DTNBP1: variants seen among roughly 807,000 people sequenced by gnomAD.
DTNBP1 encodes the protein dystrobrevin binding protein 1.
A neutral mutation model predicts 42.8 loss-of-function variants in DTNBP1; 35 were observed. The ratio of observed to expected loss-of-function variants is 0.82; its 90% CI spans 0.63 to 1.09. The LOEUF is 1.09. DTNBP1 is among the 50% of genes least tolerant of loss of function. DTNBP1 has a pLI of 0.00. For synonymous variants in DTNBP1, 171 were observed against 162.2 expected (o/e 1.05, Z -0.41); for missense variants, 457 against 424.2 (o/e 1.08, Z -0.68).
At chr6:15,592,647 C>A (rs1047722692) in intron 7 of DTNBP1, among the ~76,000 whole-genome samples, 11 of 152,174 alleles carry the variant, frequency 7.2e-5, no homozygotes, top group African/African-American at 2.7e-4. Context: ...CACAAGACAG[C>A]AGCAGAGCAG....
chr6:15,612,375 C>G (rs1758456933), intron 6 of DTNBP1, among the ~76,000 whole-genome samples: 1 of 152,036 alleles, frequency 6.6e-6, no homozygotes, highest in Admixed American at 6.6e-5. Context: ...AATCATGTAA[C>G]TAGCTTTACT....
intron 6 of DTNBP1, among the ~76,000 whole-genome samples, chr6:15,611,795 T>C (rs1266469266): frequency 6.6e-6 from 1 of 152,224 alleles, no homozygotes; most frequent in East Asian, 1.9e-4. Context: ...AAGATACGAT[T>C]GAATTACTGC....
At chr6:15,606,277 C>T (rs1337426697) in intron 6 of DTNBP1, among the ~76,000 whole-genome samples, 2 of 152,174 alleles carry the variant, frequency 1.3e-5, no homozygotes, top group Non-Finnish European at 2.9e-5. Flanking sequence ...GGAATGTATT[C>T]TCTCTGCTGG....
At chr6:15,573,160 CTT>C in intron 7 of DTNBP1, among the ~76,000 whole-genome samples, 1 of 152,116 alleles carries the variant, frequency 6.6e-6, no homozygotes, top group East Asian at 1.9e-4. Context: ...TGTCCACTTA[CTT>C]TTTTTTAGGT....
chr6:15,580,658 T>C (rs868608533), intron 7 of DTNBP1, among the ~76,000 whole-genome samples: 17 of 152,226 alleles, frequency 1.1e-4, no homozygotes, highest in Non-Finnish European at 1.9e-4. Context: ...TCAAAAATGT[T>C]TGAGGCTATT....
At chr6:15,535,201 T>C (rs1053964263) in intron 7 of DTNBP1, among the ~76,000 whole-genome samples, 4 of 152,170 alleles carry the variant, frequency 2.6e-5, no homozygotes, top group African/African-American at 9.6e-5. Context: ...CACATGCTCA[T>C]ACTCTCCACC....
intron 1 of DTNBP1, 114 bp downstream of exon 1, chr6:15,662,700 G>C (rs1438422785): frequency 4.9e-6 from 7 of 1,419,066 alleles, no homozygotes; most frequent in Non-Finnish European, 5.8e-6. Flanking sequence ...GGGCGGGGAG[G>C]TGCGGGACAG....
intron 6 of DTNBP1, among the ~76,000 whole-genome samples, chr6:15,597,834 T>G (rs1326360668): frequency 6.6e-6 from 1 of 152,252 alleles, no homozygotes; most frequent in African/African-American, 2.4e-5. Flanking sequence ...AGGCCATTGC[T>G]GTAATAAAAT....
chr6:15,653,918 G>C (rs1385847116), intron 1 of DTNBP1, among the ~76,000 whole-genome samples: 1 of 152,174 alleles, frequency 6.6e-6, no homozygotes, highest in East Asian at 1.9e-4. Flanking sequence ...CTAATGCATG[G>C]TACAGTATAC....
At chr6:15,600,275 T>C (rs921685096) in intron 6 of DTNBP1, among the ~76,000 whole-genome samples, 2 of 152,124 alleles carry the variant, frequency 1.3e-5, no homozygotes, top group African/African-American at 2.4e-5. Flanking sequence ...CAGGAAAACA[T>C]TGGTTCTGGC....
intron 7 of DTNBP1, among the ~76,000 whole-genome samples, chr6:15,561,731 G>T (rs764407897): frequency 2.6e-4 from 40 of 152,196 alleles, no homozygotes; most frequent in Non-Finnish European, 5.4e-4. Context: ...GAATTCTCAG[G>T]AGGTTAGGCA....
chr6:15,541,304 T>C (rs1016761454), intron 7 of DTNBP1, among the ~76,000 whole-genome samples: 1 of 151,972 alleles, frequency 6.6e-6, no homozygotes, highest in African/African-American at 2.4e-5. Context: ...AACAACCAAA[T>C]ATGGGAGAGG....
At chr6:15,569,083 A>C (rs1037506307) in intron 7 of DTNBP1, among the ~76,000 whole-genome samples, 1 of 152,182 alleles carries the variant, frequency 6.6e-6, no homozygotes, top group Non-Finnish European at 1.5e-5. Flanking sequence ...ATATAGTTAT[A>C]ATTAAACTGT....
intron 5 of DTNBP1, among the ~76,000 whole-genome samples, chr6:15,625,750 A>G (rs781038535): frequency 3.9e-5 from 6 of 152,234 alleles, no homozygotes; most frequent in Non-Finnish European, 5.9e-5. Context: ...AAAAGAGGTT[A>G]TCATAAGAGA....
At chr6:15,569,518 T>C (rs752473864) in intron 7 of DTNBP1, among the ~76,000 whole-genome samples, 1 of 152,146 alleles carries the variant, frequency 6.6e-6, no homozygotes, top group Non-Finnish European at 1.5e-5. Flanking sequence ...AGGGAGGCGA[T>C]GTGCGGTTTC....
chr6:15,558,908 T>C (rs556649821), intron 7 of DTNBP1, among the ~76,000 whole-genome samples: 7 of 152,352 alleles, frequency 4.6e-5, no homozygotes, highest in African/African-American at 7.2e-5. Flanking sequence ...CGTTATGTTA[T>C]AGGTCATTTT....
intron 6 of DTNBP1, chr6:15,595,329 ATCT>A: frequency 2.7e-6 from 1 of 371,154 alleles, no homozygotes; most frequent in Non-Finnish European, 4.9e-6. Context: ...CAGCGGTGTG[ATCT>A]TGGCTCACTG....
intron 7 of DTNBP1, among the ~76,000 whole-genome samples, chr6:15,569,419 T>A (rs1775245630): frequency 7.5e-6 from 1 of 133,298 alleles, no homozygotes; most frequent in Non-Finnish European, 1.5e-5. Context: ...TCCCGTCCTA[T>A]GACCTCACCC....
intron 9 of DTNBP1, 146 bp downstream of exon 9, chr6:15,524,380 A>C: frequency 6.2e-7 from 1 of 1,613,956 alleles, no homozygotes; most frequent in Non-Finnish European, 8.5e-7. Flanking sequence ...AGCCGTGTGG[A>C]ACCGTGGGGT....
Sources: allele counts gnomAD v4.1 joint callset (sites outside exome capture counted in the v4.1 genomes callset), GRCh38; gene constraint gnomAD v4.1.1; transcripts MANE v1.5; gene names NCBI Gene and HGNC (gene_info 2026-07-23, HGNC 2026-07-21).